The following GRIK4 variants were observed in gnomAD, a reference collection of about 807,000 sequenced individuals.
GRIK4 encodes the protein glutamate receptor ionotropic, kainate 4.
GRIK4 carries 40 observed loss-of-function variants against 104.9 expected under a neutral mutation model. The observed-to-expected ratio is 0.38, with a 90% CI of 0.30 to 0.50. The LOEUF (loss-of-function observed/expected upper bound fraction) is 0.50. GRIK4 is among the 20% of genes least tolerant of loss of function. The probability of loss-of-function intolerance (pLI) is 0.93; values close to 1 mark genes in which losing one functional copy is unlikely to be tolerated. For synonymous variants in GRIK4, 485 were observed against 524.9 expected (o/e 0.92, Z 1.04); for missense variants, 1,047 against 1,308.1 (o/e 0.80, Z 3.08).
chr11:120,522,621 C>T (rs531721539), intron 1 of GRIK4, among the ~76,000 whole-genome samples: 6 of 152,262 alleles, frequency 3.9e-5, no homozygotes, highest in Admixed American at 1.3e-4. Flanking sequence ...GCACCTGGCT[C>T]CCATGGGTCT....
intron 3 of GRIK4, among the ~76,000 whole-genome samples, chr11:120,713,680 G>C (rs146696450): frequency 1.6e-4 from 24 of 152,328 alleles, no homozygotes; most frequent in African/African-American, 5.8e-4. Context: ...CTGGAACTGG[G>C]AAACTCGGTG....
chr11:120,657,050 G>A (rs1398991604), intron 2 of GRIK4, among the ~76,000 whole-genome samples: 1 of 152,180 alleles, frequency 6.6e-6, no homozygotes, highest in African/African-American at 2.4e-5. Context: ...AGGCATTTGA[G>A]GTAAGTGATT....
In GRIK4 at chr11:120,801,467, T is replaced by A. The variant is rs564999703; in HGVS notation, c.83-1226T>A. Among the ~76,000 whole-genome samples the A allele has an allele frequency of 2.0e-5, 3 of 152,336 alleles. No homozygotes were observed. In the South Asian group the frequency reaches 6.2e-4, roughly 32 times the overall value. On this transcript the variant is annotated intron_variant, in intron 3 of 20. Coordinates refer to ENST00000527524, the MANE Select transcript of GRIK4 (RefSeq NM_014619.5). ...GTCTCGAACTCCTGACCTCAAGTGA[T>A]CTGCCCGCCTCAGCCTTCCAAAGTG... is the stretch of plus-strand genomic sequence containing the variant.
chr11:120,881,511 AC>A (rs1458174468), intron 11 of GRIK4, among the ~76,000 whole-genome samples: 1 of 152,152 alleles, frequency 6.6e-6, no homozygotes, highest in Non-Finnish European at 1.5e-5. Flanking sequence ...GCTTATATCA[AC>A]CCAGCTTTCA....
intron 3 of GRIK4, among the ~76,000 whole-genome samples, chr11:120,695,374 G>A (rs866827899): frequency 3.3e-5 from 5 of 152,176 alleles, no homozygotes; most frequent in Non-Finnish European, 7.4e-5. Context: ...ATGTCCTACC[G>A]TGAAGGGCCT....
At chr11:120,697,898 G>A (rs891008769) in intron 3 of GRIK4, among the ~76,000 whole-genome samples, 19 of 152,172 alleles carry the variant, frequency 1.2e-4, no homozygotes, top group Admixed American at 8.5e-4. Context: ...TGCACCTGCC[G>A]TGCCGTCTTC....
chr11:120,896,833 T>G (rs998155205), intron 11 of GRIK4, among the ~76,000 whole-genome samples: 4 of 152,230 alleles, frequency 2.6e-5, no homozygotes, highest in Admixed American at 6.5e-5. Flanking sequence ...GGGAAGCTGC[T>G]GCTACTGCCT....
At chr11:120,984,203 C>T (rs887609929) in intron 20 of GRIK4, among the ~76,000 whole-genome samples, 10 of 152,198 alleles carry the variant, frequency 6.6e-5, no homozygotes, top group Non-Finnish European at 1.2e-4. Flanking sequence ...GCTATGTTAG[C>T]GATTTGGCTG....
chr11:120,537,772 G>C (rs533874619), intron 1 of GRIK4, among the ~76,000 whole-genome samples: 2 of 152,202 alleles, frequency 1.3e-5, no homozygotes, highest in East Asian at 3.9e-4. Context: ...TAGATGCTCA[G>C]TAATGAATGA....
chr11:120,786,534 C>T (rs988102038), intron 3 of GRIK4, among the ~76,000 whole-genome samples: 1 of 152,182 alleles, frequency 6.6e-6, no homozygotes, highest in African/African-American at 2.4e-5. Context: ...CCAGTCCTGC[C>T]CACCCACCTG....
chr11:120,801,276 A>T (rs1250536053), intron 3 of GRIK4, among the ~76,000 whole-genome samples: 1 of 152,170 alleles, frequency 6.6e-6, no homozygotes, highest in African/African-American at 2.4e-5. Flanking sequence ...CCCAGGCTGG[A>T]GTGCAATGAC....
At chr11:120,581,761 A>ATAGT (rs1452567969) in intron 1 of GRIK4, among the ~76,000 whole-genome samples, 5 of 151,502 alleles carry the variant, frequency 3.3e-5, no homozygotes, top group Non-Finnish European at 7.4e-5. Context: ...TTTTTTCTGA[A>ATAGT]TAGTTCATCA....
chr11:120,744,473 G>A (rs1049005224), intron 3 of GRIK4, among the ~76,000 whole-genome samples: 5 of 152,152 alleles, frequency 3.3e-5, no homozygotes, highest in African/African-American at 9.7e-5. Flanking sequence ...CTCTGGCTGC[G>A]TACAAGAAGG....
At chr11:120,556,828 TC>T (rs1308452463) in intron 1 of GRIK4, among the ~76,000 whole-genome samples, 1 of 152,190 alleles carries the variant, frequency 6.6e-6, no homozygotes, top group Non-Finnish European at 1.5e-5. Context: ...GGCAGTCACG[TC>T]CCCGCCCTCT....
At chr11:120,800,798 AGCATAGAACCTGGATCTCTGCGTCCGC>A (rs1952607832) in intron 3 of GRIK4, among the ~76,000 whole-genome samples, 2 of 152,370 alleles carry the variant, frequency 1.3e-5, no homozygotes, top group Admixed American at 1.3e-4. Context: ...CAGAAAAGAC[AGCATAGAACCTGGATCTCTGCGTCCGC>A]GCAGACATTC....
intron 1 of GRIK4, among the ~76,000 whole-genome samples, chr11:120,634,042 T>C (rs1296840452): frequency 1.3e-5 from 2 of 152,130 alleles, no homozygotes; most frequent in African/African-American, 4.8e-5. Context: ...TTATGAGCAG[T>C]GTAACGTTAG....
intron 8 of GRIK4, among the ~76,000 whole-genome samples, chr11:120,849,303 T>A (rs1223468970): frequency 6.6e-6 from 1 of 152,174 alleles, no homozygotes; most frequent in Non-Finnish European, 1.5e-5. Context: ...GGACACATAA[T>A]GGAAATGCTC....
chr11:120,893,972 T>C (rs940358183), intron 11 of GRIK4, among the ~76,000 whole-genome samples: 11 of 152,224 alleles, frequency 7.2e-5, no homozygotes, highest in Non-Finnish European at 2.9e-5. Flanking sequence ...CCCAAGAATT[T>C]GCATTTGTTT....
intron 3 of GRIK4, among the ~76,000 whole-genome samples, chr11:120,801,697 T>G (rs1415017722): frequency 6.6e-6 from 1 of 152,246 alleles, no homozygotes; most frequent in Non-Finnish European, 1.5e-5. Flanking sequence ...TGCTGCTATA[T>G]ATATTTGTGT....
Sources: allele counts gnomAD v4.1 joint callset (sites outside exome capture counted in the v4.1 genomes callset), GRCh38; gene constraint gnomAD v4.1.1; transcripts MANE v1.5; gene names NCBI Gene and HGNC (gene_info 2026-07-23, HGNC 2026-07-21).